Variants in IFFO1 observed in about 807,000 individuals in gnomAD.
IFFO1 encodes the protein intermediate filament family orphan 1.
IFFO1 carries 42 observed loss-of-function variants against 59.6 expected under a neutral mutation model. The ratio of observed to expected loss-of-function variants is 0.70; its 90% CI spans 0.55 to 0.91. IFFO1 has a LOEUF of 0.91. IFFO1 is among the 40% of genes least tolerant of loss of function. The probability of loss-of-function intolerance (pLI) is 0.00; values close to 1 mark genes in which losing one functional copy is unlikely to be tolerated. For synonymous variants in IFFO1, 336 were observed against 342.8 expected (o/e 0.98, Z 0.22); for missense variants, 711 against 793.2 (o/e 0.90, Z 1.24).
chr12:6,545,699 G>A (rs61438514), intron 8 of IFFO1, among the ~76,000 whole-genome samples: 18,430 of 135,224 alleles, frequency 0.14, 1,592 homozygotes, highest in East Asian at 0.26. Context: ...CTCCGTCTCG[G>A]AAAAAAAAAA....
chr12:6,539,735 C>T lies in IFFO1; in HGVS notation c.*748G>A, dbSNP rs1414919452. The T allele has an allele frequency of 1.3e-5, 2 of 152,310 alleles. No homozygotes were observed. Among genetic ancestry groups the T allele is most frequent in the Admixed American group, 1.3e-4 (2 of 15,290 alleles). 9.4% of individuals were successfully genotyped at this position (152,310 alleles called of 1,614,324 possible). A position where few individuals can be genotyped will look rare whatever the true frequency, so the allele number is the denominator to read the frequency against. ...CTTTAGCTGATACTTAAACAGAGAC[C>T]CTGAGCGCACATACACCCGCGCACA... On this transcript the variant is annotated 3_prime_UTR_variant, in exon 10 of 10. Transcript: ENST00000619571.
rs1043835379 is a variant in IFFO1, at chr12:6,549,042, CAAACCG to C, written c.1081-199_1081-194del. ...AGACACACAGCGGGGGTCAGGGCTG[CAAACCG>C]AGAAGGCAGAACAAGAAGAAATCGA... is the stretch of plus-strand genomic sequence containing the variant. On this transcript the variant is annotated intron_variant, in intron 5 of 9. Coordinates refer to ENST00000619571, the MANE Select transcript of IFFO1 (RefSeq NM_001193457.2). This position sits in a 1 kb window ranked among gnomAD's most constrained non-coding sequence, Gnocchi z 5.0. The C allele has an allele frequency of 5.0e-6, 3 of 600,766 alleles. No homozygotes were observed. Among genetic ancestry groups the C allele is most frequent in the African/African-American group, 3.7e-5 (2 of 53,702 alleles). The allele number at this position is 600,766 out of a possible 1,614,324, so 37.2% of individuals were successfully genotyped here.
chr12:6,543,322 C>G (rs1946804292), intron 8 of IFFO1, among the ~76,000 whole-genome samples: 1 of 152,206 alleles, frequency 6.6e-6, no homozygotes, highest in Non-Finnish European at 1.5e-5. Flanking sequence ...TGTTAGGAAC[C>G]AGGCCAAATA....
At position 6,555,709 on chromosome 12, in the gene IFFO1, T is replaced by C. The variant is rs749925996; in HGVS notation, c.321A>G (p.Gln107=). The change falls in exon 1 of 10, where the codon CAA becomes CAG. Residue 107 remains glutamine (Q), a synonymous_variant. Transcript: ENST00000619571. This position sits in a 1 kb window ranked among gnomAD's most constrained non-coding sequence, Gnocchi z 8.6. ...GGCCCTGCTTACCCTCCTCCAGCGC[T>C]TGCTGCAGTTGCTTCTCCAACAGCC... ...RNRLLEKQLQ[Q]ALEEGKQGRR... 2 of 1,612,224 alleles carry C rather than the reference T, an allele frequency of 1.2e-6. No individual in the cohort carries two copies. Among genetic ancestry groups the C allele is most frequent in the Non-Finnish European group, 1.7e-6 (2 of 1,179,236 alleles).
intron 1 of IFFO1, chr12:6,551,676 T>C (rs1947243670): frequency 1.8e-5 from 7 of 395,042 alleles, no homozygotes; most frequent in Non-Finnish European, 3.5e-5. Context: ...ATGACAGCAG[T>C]GGACACACGA....
Position 6,548,342 on chromosome 12 carries a change from C to T in IFFO1, c.1383+83G>A. The stretch of plus-strand genomic sequence containing the variant: ...AGAGGATGACAGCCACATGGGGGGA[C>T]AGAGCAAGGAGAGGAGCGGGGGAGT... On this transcript the variant is annotated intron_variant, in intron 7 of 9. Transcript: ENST00000619571. The surrounding 1 kb of genome is among the most constrained non-coding windows in gnomAD (Gnocchi z 6.1). The T allele has an allele frequency of 6.7e-7, 1 of 1,502,736 alleles. No individual in the cohort carries two copies. The highest frequency in any genetic ancestry group is 2.3e-5 in the East Asian group (1 of 44,184). The allele number at this position is 1,502,736 out of a possible 1,614,324, so 93.1% of individuals were successfully genotyped here. A position where few individuals can be genotyped will look rare whatever the true frequency, so the allele number is the denominator to read the frequency against.
rs1221821907 is a variant in IFFO1 at position 6,549,189 on chromosome 12, C to T, written c.1080+287G>A. 4.4e-6 allele frequency: 2 copies of T among 452,960 alleles called. No homozygotes were observed. The highest frequency in any genetic ancestry group is 4.8e-5 in the African/African-American group (2 of 41,820). The allele number at this position is 452,960 out of a possible 1,614,324, so 28.1% of individuals were successfully genotyped here. On this transcript the variant is annotated intron_variant, in intron 5 of 9. Transcript: ENST00000619571. The surrounding 1 kb of genome is among the most constrained non-coding windows in gnomAD (Gnocchi z 5.0). The stretch of plus-strand genomic sequence containing the variant: ...AAGTCTTTTTGATTAAATGACTCAA[C>T]TAAAAAAAAAAAAGCTTTAGGACGC...
intron 1 of IFFO1, chr12:6,551,645 G>A (rs542238159): frequency 2.3e-6 from 1 of 440,380 alleles, no homozygotes; most frequent in African/African-American, 2.0e-5. Context: ...CTGGCTCAGA[G>A]GCCGGAAGTC....
rs1252880003 is a variant in IFFO1, at chr12:6,539,876, C to T, written c.*607G>A. ...GCACTAAGGCCTCTTTAAAGCACGG[C>T]ACCTCCACGAGGGAGGGCCACAGCC... On this transcript the variant is annotated 3_prime_UTR_variant, in exon 10 of 10. Transcript: ENST00000619571. 1.9e-5 allele frequency: 3 copies of T among 155,722 alleles called. No homozygotes were observed. The allele number at this position is 155,722 out of a possible 1,614,324, so 9.6% of individuals were successfully genotyped here.
chr12:6,546,781 G>A (rs193068421), intron 8 of IFFO1, among the ~76,000 whole-genome samples: 119 of 152,228 alleles, frequency 7.8e-4, no homozygotes, highest in African/African-American at 2.6e-3. Flanking sequence ...GAGCCACCGC[G>A]CCCGGCCTCC....
At position 6,555,477 on chromosome 12, in the gene IFFO1, AGGT is replaced by A. The variant is rs979531004; in HGVS notation, c.550_552del (p.Thr184del). ...GGCATGAAGCGGGCCGACGAGGAAT[AGGT>A]GGTGGAGGTGGAGGTGGAGGACGAC... On this transcript the variant is annotated inframe_deletion, in exon 1 of 10. Transcript: ENST00000619571. This position sits in a 1 kb window ranked among gnomAD's most constrained non-coding sequence, Gnocchi z 8.6. 6.2e-7 allele frequency: 1 copy of A among 1,610,530 alleles called. No homozygotes were observed. The highest frequency in any genetic ancestry group is 1.3e-5 in the African/African-American group (1 of 74,696).
In IFFO1 at chr12:6,548,172, A is replaced by G. The variant is rs1947054092; in HGVS notation, c.1384-12T>C. On this transcript the variant is annotated splice_polypyrimidine_tract_variant and intron_variant, in intron 7 of 9. Coordinates refer to ENST00000619571, the MANE Select transcript of IFFO1 (RefSeq NM_001193457.2). The surrounding 1 kb of genome is among the most constrained non-coding windows in gnomAD (Gnocchi z 6.1). ...CTATCTTCCTGCTGCTGGAGTAGAA[A>G]GGGAAGCGGGGGAGGCCAGCCAAGG... 1.2e-6 allele frequency: 2 copies of G among 1,611,314 alleles called. No individual in the cohort carries two copies. The highest frequency in any genetic ancestry group is 1.7e-6 in the Non-Finnish European group (2 of 1,177,506).
chr12:6,541,429 C>A lies in IFFO1; in HGVS notation c.1610+83G>T. 6.4e-7 allele frequency: 1 copy of A among 1,552,574 alleles called. No homozygotes were observed. The highest frequency in any genetic ancestry group is 8.8e-7 in the Non-Finnish European group (1 of 1,142,522). ...ACAGCAAGATGTGACCCAGTCATTG[C>A]CTGAGGGTCTCTGGGGCTGTGTTCC... On this transcript the variant is annotated intron_variant, in intron 9 of 9. Transcript: ENST00000619571. This position sits in a 1 kb window ranked among gnomAD's most constrained non-coding sequence, Gnocchi z 4.8.
At chr12:6,545,486 G>T (rs1946911241) in intron 8 of IFFO1, among the ~76,000 whole-genome samples, 1 of 152,036 alleles carries the variant, frequency 6.6e-6, no homozygotes, top group African/African-American at 2.4e-5. Context: ...ATGAGGTCAG[G>T]AGATCGAGAT....
chr12:6,548,574 C>T lies in IFFO1; in HGVS notation c.1263-29G>A, dbSNP rs372550672. 4.9e-5 allele frequency: 79 copies of T among 1,613,172 alleles called. 1 individual carries two copies. In the Middle Eastern group the frequency reaches 9.9e-4, roughly 20 times the overall value. ...GAGACAGGGAACCCGGGTGTCAGGG[C>T]GGGCGGGGCCTCGTCCTGGCGGGGG... On this transcript the variant is annotated intron_variant, in intron 6 of 9. Coordinates refer to ENST00000619571, the MANE Select transcript of IFFO1 (RefSeq NM_001193457.2). The surrounding 1 kb of genome is among the most constrained non-coding windows in gnomAD (Gnocchi z 6.1).
At chr12:6,543,583 C>T (rs76426619) in intron 8 of IFFO1, 2,817 of 154,864 alleles carry the variant, frequency 0.018, 102 homozygotes, top group African/African-American at 0.064. Context: ...CGTCTAGTTG[C>T]GGAAAACAAG....
Position 6,546,522 on chromosome 12 carries a change from C to T in IFFO1, c.1479+1543G>A, listed in dbSNP as rs149407090. Among the ~76,000 whole-genome samples, 1,435 of 152,324 alleles carry T rather than the reference C, an allele frequency of 9.4e-3. 24 individuals are homozygous for T. The highest frequency in any genetic ancestry group is 0.031 in the African/African-American group (1,271 of 41,558). ...TTTTTGAGACGGAGTCTTGCTCTGTCGCCCAGGCTGGAGTGCAGTGGTGCG... is the reference window on the plus strand; with the variant it reads ...TTTTTGAGACGGAGTCTTGCTCTGTTGCCCAGGCTGGAGTGCAGTGGTGCG... On this transcript the variant is annotated intron_variant, in intron 8 of 9. Coordinates refer to ENST00000619571, the MANE Select transcript of IFFO1 (RefSeq NM_001193457.2).
Position 6,548,326 on chromosome 12 carries a change from C to T in IFFO1, c.1383+99G>A. 1 of 1,442,116 alleles carries T rather than the reference C, an allele frequency of 6.9e-7. No homozygotes were observed. The highest frequency in any genetic ancestry group is 2.3e-5 in the East Asian group (1 of 43,860). The allele number at this position is 1,442,116 out of a possible 1,614,324, so 89.3% of individuals were successfully genotyped here. ...GAGGGGAGACGCAGGTAGAGGATGA[C>T]AGCCACATGGGGGGACAGAGCAAGG... On this transcript the variant is annotated intron_variant, in intron 7 of 9. Transcript: ENST00000619571. The surrounding 1 kb of genome is among the most constrained non-coding windows in gnomAD (Gnocchi z 6.1).
In IFFO1 at chr12:6,550,516, G is replaced by A. The variant is rs141236242; in HGVS notation, c.930+179C>T. ...TGCGCCACCTCTGTGACGCAACACC[G>A]AGACTTTTGTTGCTTGTCTTTCTCT... On this transcript the variant is annotated intron_variant, in intron 3 of 9. Transcript: ENST00000619571. The A allele has an allele frequency of 5.1e-5, 30 of 593,996 alleles. 1 individual carries two copies. Among genetic ancestry groups the A allele is most frequent in the East Asian group, 3.9e-4 (14 of 36,018 alleles). 36.8% of individuals were successfully genotyped at this position (593,996 alleles called of 1,614,324 possible).
Sources: allele counts gnomAD v4.1 joint callset (sites outside exome capture counted in the v4.1 genomes callset), GRCh38; gene constraint gnomAD v4.1.1; non-coding constraint Gnocchi (gnomAD v3.1); transcripts MANE v1.5; gene names NCBI Gene and HGNC (gene_info 2026-07-23, HGNC 2026-07-21).